The following JAK2 variants were observed in gnomAD, a reference collection of about 807,000 sequenced individuals.
The protein encoded by JAK2 is tyrosine-protein kinase JAK2.
Under a neutral mutation model 139.3 loss-of-function variants are expected in JAK2, and 86 were observed. The ratio of observed to expected loss-of-function variants is 0.62; its 90% CI spans 0.52 to 0.74. JAK2 has a LOEUF of 0.74. Among genes scored for constraint, JAK2 ranks in the 30% least tolerant of loss-of-function variants. JAK2 has a pLI of 0.00. For synonymous variants in JAK2, 490 were observed against 437.7 expected (o/e 1.12, Z -1.49); for missense variants, 1,421 against 1,360.3 (o/e 1.04, Z -0.70).
chr9:5,090,980 A>ATAGTT (rs1820528375), intron 22 of JAK2, 69 bp downstream of exon 22: 3 of 1,111,116 alleles, frequency 2.7e-6, no homozygotes, highest in Non-Finnish European at 3.9e-6. Flanking sequence ...TTGTTATTTA[A>ATAGTT]TAGTTTGCCA....
intron 3 of JAK2, 131 bp from the exon 4 acceptor site, chr9:5,029,652 G>C: frequency 1.4e-6 from 1 of 738,072 alleles, no homozygotes; most frequent in Non-Finnish European, 2.1e-6. Context: ...TATATCAAAA[G>C]ATTTCGACTG....
At chr9:5,024,204 C>T (rs1023562819) in intron 3 of JAK2, among the ~76,000 whole-genome samples, 14 of 151,990 alleles carry the variant, frequency 9.2e-5, no homozygotes, top group Middle Eastern at 3.2e-3. Context: ...TGCAGTGAGC[C>T]GAGATTGCGC....
intron 2 of JAK2, among the ~76,000 whole-genome samples, chr9:5,018,985 CTCTTTG>C (rs1239685740): frequency 6.6e-6 from 1 of 152,124 alleles, no homozygotes; most frequent in African/African-American, 2.4e-5. Context: ...CAACAGTTCT[CTCTTTG>C]TCTTTGACAA....
intron 22 of JAK2, among the ~76,000 whole-genome samples, chr9:5,105,106 A>G (rs1196630642): frequency 6.6e-6 from 1 of 152,248 alleles, no homozygotes; most frequent in African/African-American, 2.4e-5. Context: ...TTAGGAAAAG[A>G]GGAAGTCAAA....
At chr9:5,015,141 C>A (rs1452547229) in intron 2 of JAK2, among the ~76,000 whole-genome samples, 1 of 152,104 alleles carries the variant, frequency 6.6e-6, no homozygotes. Flanking sequence ...GGAACAGATT[C>A]TGTAGTATAA....
At chr9:5,098,024 T>G (rs1821151572) in intron 22 of JAK2, 1 of 152,204 alleles carries the variant, frequency 6.6e-6, no homozygotes, top group East Asian at 1.9e-4. Context: ...TATCTCATCC[T>G]TAGGCTCATT....
At chr9:5,073,977 A>C (rs1435330003) in intron 14 of JAK2, among the ~76,000 whole-genome samples, 192 bp downstream of exon 14, 4 of 152,210 alleles carry the variant, frequency 2.6e-5, no homozygotes, top group Admixed American at 2.6e-4. Context: ...CAATGAAGTT[A>C]AAAGTAGAAG....
intron 22 of JAK2, among the ~76,000 whole-genome samples, chr9:5,119,187 A>C (rs1218831605): frequency 6.6e-6 from 1 of 152,182 alleles, no homozygotes; most frequent in Non-Finnish European, 1.5e-5. Context: ...GGCATCAAAC[A>C]AATCACTTAA....
At chr9:5,043,131 G>A (rs1344182892) in intron 4 of JAK2, among the ~76,000 whole-genome samples, 2 of 152,222 alleles carry the variant, frequency 1.3e-5, no homozygotes, top group African/African-American at 4.8e-5. Context: ...ACCCAGCCCC[G>A]CAGGTGTATG....
At chr9:5,107,234 C>G (rs1397588186) in intron 22 of JAK2, among the ~76,000 whole-genome samples, 2 of 152,090 alleles carry the variant, frequency 1.3e-5, no homozygotes, top group East Asian at 3.9e-4. Context: ...AATAACCTGA[C>G]ACTAGCCTTA....
chr9:5,007,490 C>CT (rs760500626), intron 2 of JAK2, among the ~76,000 whole-genome samples: 1 of 152,000 alleles, frequency 6.6e-6, no homozygotes, highest in Admixed American at 6.5e-5. Flanking sequence ...AAATGCAGAA[C>CT]TTCACATTTT....
At chr9:5,110,134 C>T (rs984925590) in intron 22 of JAK2, 2 of 152,228 alleles carry the variant, frequency 1.3e-5, no homozygotes, top group Non-Finnish European at 2.9e-5. Flanking sequence ...GCAGGAAAGT[C>T]AGCTAAATTC....
At chr9:4,997,617 A>G (rs1258325865) in intron 2 of JAK2, among the ~76,000 whole-genome samples, 1 of 152,206 alleles carries the variant, frequency 6.6e-6, no homozygotes, top group Non-Finnish European at 1.5e-5. Context: ...GCAACACATG[A>G]AATTTAAAGG....
chr9:5,044,286 C>G (rs557954477), intron 4 of JAK2, 117 bp from the exon 5 acceptor site: 2 of 673,804 alleles, frequency 3.0e-6, no homozygotes, highest in Non-Finnish European at 5.2e-6. Flanking sequence ...ATACTGTTAG[C>G]TGTGTTTTCT....
intron 3 of JAK2, among the ~76,000 whole-genome samples, chr9:5,026,502 A>G (rs145108954): frequency 6.6e-6 from 1 of 152,348 alleles, no homozygotes; most frequent in African/African-American, 2.4e-5. Flanking sequence ...TGCCGTTTCT[A>G]TCTACAGTGG....
intron 5 of JAK2, among the ~76,000 whole-genome samples, chr9:5,046,094 A>G (rs1375049915): frequency 1.3e-5 from 2 of 152,112 alleles, no homozygotes; most frequent in Admixed American, 1.3e-4. Flanking sequence ...AGGTGGTATC[A>G]TTGTGATTTT....
At chr9:5,119,430 A>G (rs1353373367) in intron 22 of JAK2, among the ~76,000 whole-genome samples, 1 of 147,028 alleles carries the variant, frequency 6.8e-6, no homozygotes, top group African/African-American at 2.5e-5. Flanking sequence ...ATGAAAGCCT[A>G]AAAAAAAAAG....
At chr9:5,044,917 C>G (rs578005592) in intron 5 of JAK2, among the ~76,000 whole-genome samples, 29 of 152,198 alleles carry the variant, frequency 1.9e-4, no homozygotes, top group African/African-American at 6.7e-4. Context: ...GGACAATGAA[C>G]TGTAGAGAAA....
intron 6 of JAK2, among the ~76,000 whole-genome samples, chr9:5,053,956 C>A (rs1247333338): frequency 6.6e-6 from 1 of 151,812 alleles, no homozygotes; most frequent in African/African-American, 2.4e-5. Flanking sequence ...TCCTTAGAAG[C>A]ACAGAAATAA....
Sources: gnomAD v4.1 joint callset for allele counts (sites outside exome capture counted in the v4.1 genomes callset) on GRCh38, gnomAD v4.1.1 for gene constraint, MANE v1.5 for transcripts, NCBI Gene and HGNC (gene_info 2026-07-23, HGNC 2026-07-21) for gene names.